Variants in XDH observed in about 807,000 individuals in gnomAD.
XDH encodes xanthine dehydrogenase.
XDH carries 138 observed loss-of-function variants against 156.1 expected under a neutral mutation model. That is an observed-to-expected ratio of 0.88 (90% confidence interval 0.77 to 1.02). XDH has a LOEUF of 1.02. XDH is among the 50% of genes least tolerant of loss of function. XDH has a pLI of 0.00. For synonymous variants in XDH, 669 were observed against 625.7 expected (o/e 1.07, Z -1.03); for missense variants, 1,849 against 1,684.9 (o/e 1.10, Z -1.71).
At chr2:31,383,280 T>A in intron 10 of XDH, 128 bp from the exon 11 acceptor site, 1 of 1,409,854 alleles carries the variant, frequency 7.1e-7, no homozygotes, top group Non-Finnish European at 9.8e-7. Flanking sequence ...TTTCCATGGA[T>A]GAGGAAATGA....
intron 27 of XDH, 102 bp downstream of exon 27, chr2:31,348,797 C>A: frequency 9.6e-7 from 1 of 1,046,808 alleles, no homozygotes; most frequent in Non-Finnish European, 1.5e-6. Flanking sequence ...TCCAGTAAGC[C>A]CTGTTACCAG....
intron 30 of XDH, among the ~76,000 whole-genome samples, chr2:31,345,150 ATC>A (rs112199768): frequency 2.1e-4 from 32 of 152,256 alleles, no homozygotes; most frequent in African/African-American, 6.7e-4. Flanking sequence ...CAAGAGCTAA[ATC>A]TCTCTCAATT....
At chr2:31,374,839 G>A (rs1447756937) in intron 15 of XDH, among the ~76,000 whole-genome samples, 1 of 151,536 alleles carries the variant, frequency 6.6e-6, no homozygotes, top group Non-Finnish European at 1.5e-5. Context: ...TAAATTCTTG[G>A]TGAACAAATC....
At chr2:31,358,173 T>C (rs1042878905) in intron 24 of XDH, among the ~76,000 whole-genome samples, 8 of 152,126 alleles carry the variant, frequency 5.3e-5, no homozygotes. Flanking sequence ...TATTCCAAAA[T>C]TGACCACATA....
chr2:31,368,915 G>T (rs1347623964), intron 18 of XDH, among the ~76,000 whole-genome samples: 1 of 152,170 alleles, frequency 6.6e-6, no homozygotes, highest in East Asian at 1.9e-4. Context: ...GAACCAGATA[G>T]AATGTGGCAA....
intron 33 of XDH, 121 bp from the exon 34 acceptor site, chr2:31,339,798 C>T (rs1268795870): frequency 1.6e-6 from 2 of 1,277,138 alleles, no homozygotes; most frequent in Non-Finnish European, 2.2e-6. Context: ...CTAAAACTGC[C>T]CTCTATTGCT....
intron 16 of XDH, 135 bp downstream of exon 16, chr2:31,373,738 T>C: frequency 4.9e-6 from 4 of 811,374 alleles, no homozygotes; most frequent in Non-Finnish European, 8.3e-6. Context: ...CTTCACTGGG[T>C]ATTTACGCAC....
chr2:31,402,912 G>C (rs1177212181), intron 3 of XDH, 136 bp downstream of exon 3: 2 of 916,670 alleles, frequency 2.2e-6, no homozygotes, highest in Non-Finnish European at 3.5e-6. Flanking sequence ...CAGTTTTCCT[G>C]TGCACAGATT....
intron 6 of XDH, among the ~76,000 whole-genome samples, chr2:31,395,607 T>C (rs1686881765): frequency 1.3e-5 from 2 of 152,158 alleles, no homozygotes; most frequent in African/African-American, 2.4e-5. Flanking sequence ...ACCCGCTCCA[T>C]GACTGCATCC....
At position 31,390,490 on chromosome 2, in the gene XDH, T is replaced by C. The variant is rs45551735; in HGVS notation, c.496-2195A>G. ...GTAAGCATGCCTGTGCAGGTTTTCA[T>C]GTGGCAATAAGTTTTAAATTCCTTT... On this transcript the variant is annotated intron_variant, in intron 6 of 35. Transcript: ENST00000379416. Among the ~76,000 whole-genome samples, 899 of 152,360 alleles carry C rather than the reference T, an allele frequency of 5.9e-3. 47 individuals are homozygous for C. The East Asian group carries it at 0.14, about 24-fold the overall frequency.
rs138211195 is a variant in XDH at position 31,345,677 on chromosome 2, G to A, written c.3352-941C>T. 1.6e-4 allele frequency among the ~76,000 whole-genome samples: 25 copies of A among 152,130 alleles called. No individual in the cohort carries two copies. In the East Asian group the frequency reaches 4.3e-3, roughly 26 times the overall value. ...GCACTAGTCATTTAACATAATGTGC[G>A]TGTGCATGTGTGTGTGTGCACGCAT... On this transcript the variant is annotated intron_variant, in intron 30 of 35. Coordinates refer to ENST00000379416, the MANE Select transcript of XDH (RefSeq NM_000379.4).
At chr2:31,378,327 T>C (rs1686334100) in intron 13 of XDH, among the ~76,000 whole-genome samples, 1 of 152,166 alleles carries the variant, frequency 6.6e-6, no homozygotes, top group Admixed American at 6.5e-5. Flanking sequence ...GAGCATGAGC[T>C]ATTTTCCAGG....
intron 2 of XDH, among the ~76,000 whole-genome samples, chr2:31,404,727 C>G (rs1687150397): frequency 1.3e-5 from 2 of 152,126 alleles, no homozygotes; most frequent in South Asian, 4.1e-4. Flanking sequence ...CTGATCCGAT[C>G]TAGTGACACT....
At chr2:31,405,421 T>C (rs890600529) in intron 2 of XDH, among the ~76,000 whole-genome samples, 1 of 152,132 alleles carries the variant, frequency 6.6e-6, no homozygotes. Context: ...CAGGGCTCCC[T>C]GTTTGCTGTT....
chr2:31,406,475 C>G (rs1053566210), intron 1 of XDH, among the ~76,000 whole-genome samples: 2 of 152,176 alleles, frequency 1.3e-5, no homozygotes, highest in Non-Finnish European at 2.9e-5. Context: ...TGGCCTAATA[C>G]AATGTGCTAA....
At position 31,381,622 on chromosome 2, in the gene XDH, A is replaced by G. The variant is rs372322137; in HGVS notation, c.1132+11T>C. On this transcript the variant is annotated intron_variant, in intron 12 of 35. Coordinates refer to ENST00000379416, the MANE Select transcript of XDH (RefSeq NM_000379.4). The stretch of plus-strand genomic sequence containing the variant: ...GTCCTTCTTCCTGGACCTCTGCTTC[A>G]GGCAGCTCACCTCTGGACACAAGTG... 1.4e-4 allele frequency: 229 copies of G among 1,613,938 alleles called. No homozygotes were observed. The Middle Eastern group carries it at 2.6e-3, about 19-fold the overall frequency.
intron 6 of XDH, chr2:31,389,528 C>G (rs1686705657): frequency 6.6e-6 from 1 of 152,168 alleles, no homozygotes; most frequent in Non-Finnish European, 1.5e-5. Context: ...CACCTTTCTT[C>G]TTGGAGAAGG....
chr2:31,372,543 G>C, intron 16 of XDH, 146 bp from the exon 17 acceptor site: 1 of 1,029,340 alleles, frequency 9.7e-7, no homozygotes, highest in East Asian at 2.6e-5. Flanking sequence ...GGGGCAAAGG[G>C]AACAGGAAGG....
chr2:31,358,091 G>A (rs571953321), intron 24 of XDH, among the ~76,000 whole-genome samples: 12 of 151,872 alleles, frequency 7.9e-5, no homozygotes, highest in South Asian at 2.1e-4. Flanking sequence ...TCAAGCTGAC[G>A]TAATAGACAT....
Sources: gnomAD v4.1 joint callset for allele counts (sites outside exome capture counted in the v4.1 genomes callset) on GRCh38, gnomAD v4.1.1 for gene constraint, MANE v1.5 for transcripts, NCBI Gene and HGNC (gene_info 2026-07-23, HGNC 2026-07-21) for gene names.